The following RBFOX1 variants were observed in gnomAD, a reference collection of about 807,000 sequenced individuals.
The protein encoded by RBFOX1 is RNA binding fox-1 homolog 1, also known as RNA binding protein fox-1 homolog 1.
In RBFOX1, 8 loss-of-function variants were observed where a neutral mutation model predicts 57.7. That is an observed-to-expected ratio of 0.14 (90% confidence interval 0.08 to 0.25). RBFOX1 has a LOEUF of 0.25. RBFOX1 is among the 10% of genes least tolerant of loss of function. RBFOX1 has a pLI of 1.00. For synonymous variants in RBFOX1, 326 were observed against 222.4 expected, an observed-to-expected ratio of 1.47 and a Z score of -4.15; for missense variants, 611 against 548.5, an observed-to-expected ratio of 1.11 and a Z score of -1.14.
chr16:6,758,691 C>A (rs935042484), intron 3 of RBFOX1, among the ~76,000 whole-genome samples: 1 of 152,122 alleles, frequency 6.6e-6, no homozygotes, highest in Non-Finnish European at 1.5e-5. Context: ...TTAGTAATTT[C>A]TAATTAAAAA....
At chr16:7,369,223 C>T (rs917013749) in intron 4 of RBFOX1, among the ~76,000 whole-genome samples, 1 of 151,850 alleles carries the variant, frequency 6.6e-6, no homozygotes, top group Admixed American at 6.6e-5. Context: ...TAGTAAAAAG[C>T]AAACACACCC....
intron 3 of RBFOX1, among the ~76,000 whole-genome samples, chr16:6,796,530 G>C (rs2084093014): frequency 6.6e-6 from 1 of 152,086 alleles, no homozygotes; most frequent in Non-Finnish European, 1.5e-5. Context: ...TAACAGAATA[G>C]ATGTTGTCTA....
At chr16:7,084,076 C>T (rs1459882676) in intron 4 of RBFOX1, among the ~76,000 whole-genome samples, 1 of 152,162 alleles carries the variant, frequency 6.6e-6, no homozygotes, top group East Asian at 1.9e-4. Context: ...GGCTTCTGAT[C>T]AAACGTCTGC....
chr16:6,862,444 G>A (rs968095734), intron 3 of RBFOX1, among the ~76,000 whole-genome samples: 2 of 152,174 alleles, frequency 1.3e-5, no homozygotes, highest in Admixed American at 6.5e-5. Flanking sequence ...CTATGGGGAT[G>A]CAATGGCAGA....
chr16:7,110,327 C>T (rs1021397184), intron 4 of RBFOX1, among the ~76,000 whole-genome samples: 5 of 152,000 alleles, frequency 3.3e-5, no homozygotes, highest in African/African-American at 9.7e-5. Flanking sequence ...TGCCACTGCA[C>T]TCCAGCTTGG....
chr16:7,186,707 A>G (rs2083923411), intron 4 of RBFOX1, among the ~76,000 whole-genome samples: 1 of 149,370 alleles, frequency 6.7e-6, no homozygotes, highest in Non-Finnish European at 1.5e-5. Flanking sequence ...GTTTCATGGT[A>G]TCTAGGAATC....
At chr16:7,398,157 C>A (rs1301620240) in intron 4 of RBFOX1, among the ~76,000 whole-genome samples, 4 of 152,144 alleles carry the variant, frequency 2.6e-5, no homozygotes, top group Non-Finnish European at 5.9e-5. Flanking sequence ...TCTTTTGGAC[C>A]CATTTCAAAC....
intron 1 of RBFOX1, among the ~76,000 whole-genome samples, chr16:6,240,957 C>T (rs925754623): frequency 1.3e-5 from 2 of 152,206 alleles, no homozygotes; most frequent in Non-Finnish European, 2.9e-5. Context: ...CCGACTCACC[C>T]TGATGTTTTT....
At chr16:6,670,040 G>A (rs1424590542) in intron 3 of RBFOX1, among the ~76,000 whole-genome samples, 2 of 152,070 alleles carry the variant, frequency 1.3e-5, no homozygotes, top group Non-Finnish European at 2.9e-5. Flanking sequence ...TCTATATATT[G>A]AGACAGGGCC....
At chr16:5,882,417 C>G (rs2057785551) in intron 4 of RBFOX1, among the ~76,000 whole-genome samples, 2 of 152,108 alleles carry the variant, frequency 1.3e-5, no homozygotes, top group African/African-American at 4.8e-5. Flanking sequence ...TACTTTTGCC[C>G]CCCTCCCATT....
Position 7,078,927 on chromosome 16 carries a change from C to T in RBFOX1, c.27+26829C>T, listed in dbSNP as rs145230299. ...GTTTTACCATGTTGTCCAGGCTGGTCTTGAGCTCCTGACCTCGTGATCCAC... is the reference window on the plus strand; with the variant it reads ...GTTTTACCATGTTGTCCAGGCTGGTTTTGAGCTCCTGACCTCGTGATCCAC... On this transcript the variant is annotated intron_variant, in intron 4 of 15. Coordinates refer to ENST00000550418, the MANE Select transcript of RBFOX1 (RefSeq NM_018723.4). Among the ~76,000 whole-genome samples, 88 of 112,998 alleles carry T rather than the reference C, an allele frequency of 7.8e-4. 1 individual carries two copies. The East Asian group carries it at 0.024, about 31-fold the overall frequency. 74.1% of individuals were successfully genotyped at this position (112,998 alleles called of 152,430 possible).
intron 3 of RBFOX1, among the ~76,000 whole-genome samples, chr16:7,005,254 C>G (rs2093196235): frequency 6.6e-6 from 1 of 152,182 alleles, no homozygotes; most frequent in Non-Finnish European, 1.5e-5. Flanking sequence ...TAGCTTTCCC[C>G]TTACCTTTCA....
chr16:6,560,201 C>T (rs558066777), intron 2 of RBFOX1, among the ~76,000 whole-genome samples: 2 of 144,934 alleles, frequency 1.4e-5, no homozygotes, highest in East Asian at 4.0e-4. Flanking sequence ...AAAAGTCAAG[C>T]CCTCATGAAG....
intron 4 of RBFOX1, among the ~76,000 whole-genome samples, chr16:7,322,624 G>A (rs2096560474): frequency 6.6e-6 from 1 of 152,182 alleles, no homozygotes; most frequent in African/African-American, 2.4e-5. Context: ...TACATGCGCA[G>A]TTTTCTGGGA....
At chr16:6,576,599 A>T (rs1023270265) in intron 2 of RBFOX1, among the ~76,000 whole-genome samples, 1 of 152,104 alleles carries the variant, frequency 6.6e-6, no homozygotes, top group African/African-American at 2.4e-5. Flanking sequence ...ACCTTCTTTG[A>T]ACTCCAACTG....
chr16:7,200,460 T>C (rs574011467), intron 4 of RBFOX1, among the ~76,000 whole-genome samples: 2 of 152,340 alleles, frequency 1.3e-5, no homozygotes, highest in South Asian at 4.1e-4. Context: ...CTATTTATGG[T>C]GTGCCTGTCA....
chr16:5,626,416 C>T (rs1164004389), intron 3 of RBFOX1, among the ~76,000 whole-genome samples: 4 of 152,152 alleles, frequency 2.6e-5, no homozygotes, highest in African/African-American at 9.7e-5. Context: ...GACTGGGACT[C>T]ACTCTAATAA....
chr16:6,464,514 G>A (rs1384376030), intron 2 of RBFOX1, among the ~76,000 whole-genome samples: 1 of 152,184 alleles, frequency 6.6e-6, no homozygotes, highest in Non-Finnish European at 1.5e-5. Context: ...CTAGTAGTGA[G>A]CTGATTATAA....
chr16:7,211,226 C>T (rs949946247), intron 4 of RBFOX1, among the ~76,000 whole-genome samples: 3 of 151,588 alleles, frequency 2.0e-5, no homozygotes, highest in Admixed American at 6.6e-5. Context: ...CCCGTCTCTA[C>T]TAAAAACACA....
Sources: gnomAD v4.1 joint callset for allele counts (sites outside exome capture counted in the v4.1 genomes callset) on GRCh38, gnomAD v4.1.1 for gene constraint, MANE v1.5 for transcripts, NCBI Gene and HGNC (gene_info 2026-07-23, HGNC 2026-07-21) for gene names.